Variants in CDK14 observed in about 807,000 individuals in gnomAD.
CDK14 encodes the protein cyclin dependent kinase 14.
In CDK14, 34 loss-of-function variants were observed where a neutral mutation model predicts 60.7. The ratio of observed to expected loss-of-function variants is 0.56; its 90% CI spans 0.43 to 0.75. CDK14 has a LOEUF of 0.75. CDK14 is among the 30% of genes least tolerant of loss of function. The probability of loss-of-function intolerance (pLI) is 0.00; values close to 1 mark genes in which losing one functional copy is unlikely to be tolerated. For missense variants in CDK14, 482 were observed against 564.1 expected, an observed-to-expected ratio of 0.85 and a Z score of 1.47; for synonymous variants, 197 against 203.7, an observed-to-expected ratio of 0.97 and a Z score of 0.28.
chr7:90,831,537 G>A (rs1789910096), intron 5 of CDK14, among the ~76,000 whole-genome samples: 1 of 152,258 alleles, frequency 6.6e-6, no homozygotes, highest in African/African-American at 2.4e-5. Flanking sequence ...AGATTTTTGG[G>A]ACTGACTTGG....
At chr7:91,103,581 G>T (rs2116322174) in intron 12 of CDK14, among the ~76,000 whole-genome samples, 1 of 152,268 alleles carries the variant, frequency 6.6e-6, no homozygotes, top group South Asian at 2.1e-4. Flanking sequence ...GGCCAGTACA[G>T]CTGTGCTAAC....
At chr7:90,605,140 C>T (rs1443317563) in intron 2 of CDK14, among the ~76,000 whole-genome samples, 1 of 152,192 alleles carries the variant, frequency 6.6e-6, no homozygotes, top group African/African-American at 2.4e-5. Context: ...CTTCCCTCTG[C>T]TGCAGTGCTT....
Position 91,090,861 on chromosome 7 carries a change from A to G in CDK14, c.1154+11381A>G, listed in dbSNP as rs186884609. ...ATTCTGTAGGCGCTGGCCATTTCAC[A>G]GTCTAAGCTCTGTCACTCGTCACCT... On this transcript the variant is annotated intron_variant, in intron 12 of 14. Coordinates refer to ENST00000380050, the MANE Select transcript of CDK14 (RefSeq NM_001287135.2). Among the ~76,000 whole-genome samples the G allele has an allele frequency of 3.3e-5, 5 of 152,174 alleles. No homozygotes were observed. In the East Asian group the frequency reaches 9.7e-4, roughly 29 times the overall value.
rs994475140 is a variant in CDK14, at chr7:90,908,734, C to T, written c.703-8867C>T. ...GCCAGTACAGCTCTAGGTATTTTCT[C>T]GTTCCTGTATAAATTTCTGTTACTT... is the stretch of plus-strand genomic sequence containing the variant. On this transcript the variant is annotated intron_variant, in intron 7 of 14. Transcript: ENST00000380050. Among the ~76,000 whole-genome samples, 6 of 152,138 alleles carry T rather than the reference C, an allele frequency of 3.9e-5. No individual in the cohort carries two copies. The East Asian group carries it at 9.6e-4, about 24-fold the overall frequency.
intron 9 of CDK14, among the ~76,000 whole-genome samples, chr7:90,976,825 T>A (rs1195598061): frequency 6.6e-6 from 1 of 152,168 alleles, no homozygotes; most frequent in Non-Finnish European, 1.5e-5. Context: ...TTTCACTCTG[T>A]TTTCCTGCGT....
chr7:91,106,678 A>G (rs977620687), intron 12 of CDK14, among the ~76,000 whole-genome samples: 6 of 152,216 alleles, frequency 3.9e-5, no homozygotes, highest in African/African-American at 1.4e-4. Flanking sequence ...TTGAACTCTA[A>G]ATTTTAAGTT....
At position 90,678,568 on chromosome 7, in the gene CDK14, A is replaced by G. The variant is rs563334582; in HGVS notation, c.124-47999A>G. Among the ~76,000 whole-genome samples, 46 of 152,252 alleles carry G rather than the reference A, an allele frequency of 3.0e-4. No individual in the cohort carries two copies. The South Asian group carries it at 9.6e-3, about 32-fold the overall frequency. The stretch of plus-strand genomic sequence containing the variant: ...GATGAATTCCTCCTTTAAATGTGCC[A>G]TTTTTTAGCCTCTTCAGGTTAAGGG... On this transcript the variant is annotated intron_variant, in intron 2 of 14. Transcript: ENST00000380050.
intron 4 of CDK14, among the ~76,000 whole-genome samples, chr7:90,780,282 G>C (rs1805253039): frequency 6.6e-6 from 1 of 151,944 alleles, no homozygotes; most frequent in South Asian, 2.1e-4. Context: ...GGGTATGAAA[G>C]GGAAGGAAAA....
rs955030004 is a variant in CDK14 at position 90,984,203 on chromosome 7, A to G, written c.1003A>G (p.Met335Val). The G allele has an allele frequency of 1.2e-6, 2 of 1,612,886 alleles. No homozygotes were observed. Among genetic ancestry groups the G allele is most frequent in the South Asian group, 1.1e-5 (1 of 91,068 alleles). ...MIQGVAAFPG[M>V]KDIQDQLERI... ...CCAAGGAGTTGCTGCTTTTCCAGGAATGAAAGACATTCAGGATCAACTTGA... is the reference window on the plus strand; with the variant it reads ...CCAAGGAGTTGCTGCTTTTCCAGGAGTGAAAGACATTCAGGATCAACTTGA... The change falls in exon 10 of 15, where the codon ATG becomes GTG. Residue 335 changes from methionine (M) to valine (V), a missense_variant. By Grantham distance (21) the Met-to-Val change is conservative. Transcript: ENST00000380050.
chr7:90,890,952 G>T (rs1001485228), intron 6 of CDK14, among the ~76,000 whole-genome samples: 7 of 152,290 alleles, frequency 4.6e-5, no homozygotes, highest in Admixed American at 4.6e-4. Context: ...AAGTGTGGTT[G>T]TAGTGAAATG....
chr7:90,807,136 C>A (rs974876235), intron 5 of CDK14, among the ~76,000 whole-genome samples: 3 of 152,148 alleles, frequency 2.0e-5, no homozygotes, highest in Non-Finnish European at 4.4e-5. Flanking sequence ...TCCCAGCACG[C>A]AGCTGGAGAT....
intron 2 of CDK14, 67 bp downstream of exon 2, chr7:90,604,316 C>G: frequency 1.1e-6 from 1 of 893,096 alleles, no homozygotes; most frequent in African/African-American, 1.8e-5. Flanking sequence ...CAGTAGCTGC[C>G]AACTTTGTAC....
chr7:90,607,666 C>T (rs951548683), intron 2 of CDK14, among the ~76,000 whole-genome samples: 1 of 152,096 alleles, frequency 6.6e-6, no homozygotes, highest in Non-Finnish European at 1.5e-5. Context: ...TTTAATTGAA[C>T]AGTTTAGAAG....
chr7:90,733,491 A>T (rs1002711800), intron 3 of CDK14, among the ~76,000 whole-genome samples: 1 of 152,178 alleles, frequency 6.6e-6, no homozygotes, highest in Non-Finnish European at 1.5e-5. Context: ...CGCTTTATGA[A>T]TCAGGGTGCT....
At chr7:90,820,503 CTG>C (rs1367100762) in intron 5 of CDK14, among the ~76,000 whole-genome samples, 3 of 152,182 alleles carry the variant, frequency 2.0e-5, no homozygotes, top group Admixed American at 6.6e-5. Flanking sequence ...CTGCCTCGCT[CTG>C]TCTCTCCTGC....
chr7:90,983,477 C>T (rs376624093), intron 9 of CDK14, among the ~76,000 whole-genome samples: 6 of 151,926 alleles, frequency 3.9e-5, no homozygotes, highest in South Asian at 2.1e-4. Context: ...CAGGAGATCG[C>T]GACCATCCTG....
intron 5 of CDK14, among the ~76,000 whole-genome samples, chr7:90,810,479 A>T (rs568759453): frequency 1.4e-4 from 21 of 152,332 alleles, no homozygotes; most frequent in South Asian, 2.1e-4. Flanking sequence ...TCTCAAAATA[A>T]TAAGAGCTAT....
intron 12 of CDK14, 56 bp downstream of exon 12, chr7:91,079,536 ACTCT>A (rs1325606019): frequency 6.8e-5 from 82 of 1,208,364 alleles, no homozygotes; most frequent in Non-Finnish European, 9.4e-5. Flanking sequence ...AATATTTACA[ACTCT>A]TCTCATACGT....
intron 5 of CDK14, 42 bp downstream of exon 5, chr7:90,790,694 G>T: frequency 1.6e-6 from 2 of 1,286,026 alleles, no homozygotes; most frequent in South Asian, 1.2e-5. Flanking sequence ...GTGTTTCTAT[G>T]GTCCCCGTAG....
Sources: gnomAD v4.1 joint callset for allele counts (sites outside exome capture counted in the v4.1 genomes callset) on GRCh38, gnomAD v4.1.1 for gene constraint, MANE v1.5 for transcripts, NCBI Gene and HGNC (gene_info 2026-07-23, HGNC 2026-07-21) for gene names.